Variants in PCDH15 observed in about 807,000 individuals in gnomAD.
PCDH15 encodes the protein protocadherin-15.
In PCDH15, 129 loss-of-function variants were observed where a neutral mutation model predicts 178.5. The ratio of observed to expected loss-of-function variants is 0.72; its 90% confidence interval spans 0.63 to 0.84. PCDH15 has a LOEUF of 0.84. Ranked by LOEUF, PCDH15 falls within the 40% of genes least tolerant of loss-of-function variation. The pLI is 0.00. For synonymous variants in PCDH15, 800 were observed against 732.0 expected, an observed-to-expected ratio of 1.09 and a Z score of -1.50; for missense variants, 2,230 against 2,099.9, an observed-to-expected ratio of 1.06 and a Z score of -1.21.
At chr10:54,051,701 G>C (rs984840867) in intron 18 of PCDH15, among the ~76,000 whole-genome samples, 8 of 152,204 alleles carry the variant, frequency 5.3e-5, no homozygotes, top group Admixed American at 1.3e-4. Flanking sequence ...GCCTGCTGCA[G>C]AAATTTGCAT....
chr10:55,434,443 A>C (rs780672408), intron 2 of PCDH15, among the ~76,000 whole-genome samples: 1 of 152,032 alleles, frequency 6.6e-6, no homozygotes, highest in Non-Finnish European at 1.5e-5. Context: ...ATAATTTCCC[A>C]ATTATTATTG....
intron 3 of PCDH15, among the ~76,000 whole-genome samples, chr10:54,437,175 A>T (rs911476193): frequency 2.0e-5 from 3 of 152,180 alleles, no homozygotes; most frequent in Admixed American, 2.0e-4. Flanking sequence ...TCTTCATTTG[A>T]AGCAAGCTCT....
At chr10:54,820,374 G>T (rs923768478) in intron 3 of PCDH15, among the ~76,000 whole-genome samples, 1 of 152,048 alleles carries the variant, frequency 6.6e-6, no homozygotes, top group African/African-American at 2.4e-5. Flanking sequence ...CCATATTGAT[G>T]ATCTCATTTA....
At chr10:54,347,350 G>A (rs1213005365) in intron 5 of PCDH15, among the ~76,000 whole-genome samples, 7 of 151,786 alleles carry the variant, frequency 4.6e-5, no homozygotes, top group African/African-American at 9.7e-5. Context: ...CATTACACAC[G>A]CCACATCAGA....
chr10:53,842,843 G>T (rs1454824601), intron 28 of PCDH15, among the ~76,000 whole-genome samples: 1 of 152,078 alleles, frequency 6.6e-6, no homozygotes, highest in Non-Finnish European at 1.5e-5. Context: ...GCAATAGATG[G>T]CTCTCTGTCC....
intron 1 of PCDH15, among the ~76,000 whole-genome samples, chr10:54,709,521 C>T (rs1414668270): frequency 6.8e-6 from 1 of 147,606 alleles, no homozygotes; most frequent in Admixed American, 6.8e-5. Flanking sequence ...GATCAAATGA[C>T]AGGGGGTCTT....
At chr10:54,425,283 G>T (rs554506741) in intron 3 of PCDH15, among the ~76,000 whole-genome samples, 1 of 152,152 alleles carries the variant, frequency 6.6e-6, no homozygotes, top group Non-Finnish European at 1.5e-5. Flanking sequence ...TGGATTAATG[G>T]GTTATCTTGG....
At chr10:54,682,836 T>C (rs1195833818) in intron 1 of PCDH15, among the ~76,000 whole-genome samples, 1 of 152,164 alleles carries the variant, frequency 6.6e-6, no homozygotes, top group Non-Finnish European at 1.5e-5. Flanking sequence ...AATTCTTCTC[T>C]GTTAACCCAT....
Position 55,411,195 on chromosome 10 carries a change from T to C in PCDH15, c.-156+216430A>G, listed in dbSNP as rs945180886. 2.0e-5 allele frequency among the ~76,000 whole-genome samples: 3 copies of C among 152,102 alleles called. No individual in the cohort carries two copies. In the East Asian group the frequency reaches 5.8e-4, roughly 29 times the overall value. On this transcript the variant is annotated intron_variant, in intron 2 of 5. Coordinates refer to the PCDH15 transcript ENST00000613346. ...TTTCCTTTCCTCCTTCCTTGTATAA[T>C]TAAGTTAAAGTCTCTACATCTTAGT...
chr10:55,281,733 A>G (rs947367713), intron 1 of PCDH15, among the ~76,000 whole-genome samples: 2 of 152,194 alleles, frequency 1.3e-5, no homozygotes, highest in African/African-American at 4.8e-5. Flanking sequence ...CTTCAAAGAC[A>G]GTGAAAACAT....
intron 2 of PCDH15, among the ~76,000 whole-genome samples, chr10:54,570,754 G>T (rs905345361): frequency 6.6e-6 from 1 of 151,752 alleles, no homozygotes; most frequent in African/African-American, 2.4e-5. Flanking sequence ...CAGGATTCAA[G>T]CAATTCTCCT....
At chr10:54,515,109 G>T (rs1046133958) in intron 3 of PCDH15, among the ~76,000 whole-genome samples, 1 of 152,182 alleles carries the variant, frequency 6.6e-6, no homozygotes, top group Non-Finnish European at 1.5e-5. Flanking sequence ...TCTCACTAGG[G>T]AGTGCCAGAC....
chr10:54,129,780 G>T (rs531590409), intron 15 of PCDH15, among the ~76,000 whole-genome samples: 4 of 152,192 alleles, frequency 2.6e-5, no homozygotes, highest in South Asian at 2.1e-4. Context: ...GTATACAAAA[G>T]GTTGGCTCTC....
chr10:55,446,402 G>C (rs545534415), intron 2 of PCDH15, among the ~76,000 whole-genome samples: 1 of 152,082 alleles, frequency 6.6e-6, no homozygotes, highest in East Asian at 1.9e-4. Flanking sequence ...TTCAGAGAAT[G>C]AGGGTTCTAG....
intron 2 of PCDH15, among the ~76,000 whole-genome samples, chr10:55,466,072 G>A (rs1015906703): frequency 6.6e-6 from 1 of 152,048 alleles, no homozygotes; most frequent in African/African-American, 2.4e-5. Context: ...TAGAATACCT[G>A]CCCTCTGGAG....
chr10:54,515,845 C>T (rs1187957438), intron 3 of PCDH15, among the ~76,000 whole-genome samples: 3 of 152,170 alleles, frequency 2.0e-5, no homozygotes, highest in African/African-American at 7.2e-5. Context: ...TCTACAGCCA[C>T]CGCTGTTCTG....
At chr10:54,508,494 G>A (rs72792530) in intron 3 of PCDH15, among the ~76,000 whole-genome samples, 10,079 of 152,096 alleles carry the variant, frequency 0.066, 534 homozygotes, top group Non-Finnish European at 0.096. Context: ...CCTACTAAAT[G>A]TCATAGCATA....
intron 2 of PCDH15, among the ~76,000 whole-genome samples, chr10:54,542,901 C>T (rs779503692): frequency 3.3e-5 from 5 of 152,158 alleles, no homozygotes; most frequent in Non-Finnish European, 7.3e-5. Context: ...TATAAAAAGC[C>T]AAGACCCTAG....
At chr10:55,033,980 G>A (rs1398106415) in intron 2 of PCDH15, among the ~76,000 whole-genome samples, 1 of 151,962 alleles carries the variant, frequency 6.6e-6, no homozygotes, top group African/African-American at 2.4e-5. Context: ...TATCATGTGA[G>A]GGTACAGCAT....
Sources: allele counts gnomAD v4.1 joint callset (sites outside exome capture counted in the v4.1 genomes callset), GRCh38; gene constraint gnomAD v4.1.1; transcripts MANE v1.5; gene names NCBI Gene and HGNC (gene_info 2026-07-23, HGNC 2026-07-21).